NECTIN2: variants seen among roughly 807,000 people sequenced by gnomAD.
The protein encoded by NECTIN2 is nectin-2.
Under a neutral mutation model 56.9 loss-of-function variants are expected in NECTIN2, and 23 were observed. The ratio of observed to expected loss-of-function variants is 0.40; its 90% CI spans 0.29 to 0.57. NECTIN2 has a LOEUF of 0.57. Among genes scored for constraint, NECTIN2 ranks in the 20% least tolerant of loss-of-function variants. The probability of loss-of-function intolerance (pLI) is 0.38; values close to 1 mark genes in which losing one functional copy is unlikely to be tolerated. For synonymous variants in NECTIN2, 302 were observed against 313.8 expected (o/e 0.96, Z 0.40); for missense variants, 587 against 718.3 (o/e 0.82, Z 2.09).
intron 2 of NECTIN2, among the ~76,000 whole-genome samples, chr19:44,870,765 T>C (rs1170659159): frequency 1.3e-5 from 2 of 150,280 alleles, no homozygotes; most frequent in Non-Finnish European, 3.0e-5. Flanking sequence ...AGAGTCTCAC[T>C]GTCACCCAGG....
At chr19:44,878,568 T>C (rs1464577215) in intron 5 of NECTIN2, 1 of 1,613,446 alleles carries the variant, frequency 6.2e-7, no homozygotes, top group Non-Finnish European at 8.5e-7. Flanking sequence ...GAGGATGACA[T>C]GGAGTCCCAG....
At chr19:44,860,607 T>TA (rs947929936) in intron 1 of NECTIN2, among the ~76,000 whole-genome samples, 7 of 151,806 alleles carry the variant, frequency 4.6e-5, no homozygotes, top group East Asian at 3.9e-4. Flanking sequence ...TACTTTTTTA[T>TA]AAAAAAATTA....
intron 6 of NECTIN2, among the ~76,000 whole-genome samples, chr19:44,885,177 G>C (rs566576193): frequency 6.6e-6 from 1 of 150,380 alleles, no homozygotes; most frequent in Non-Finnish European, 1.5e-5. Context: ...TGTATTTTTA[G>C]TAGGGACAGG....
chr19:44,852,095 G>A (rs780773917), intron 1 of NECTIN2, among the ~76,000 whole-genome samples: 3 of 151,516 alleles, frequency 2.0e-5, no homozygotes, highest in Non-Finnish European at 4.4e-5. Context: ...CTGCCCCACT[G>A]AGGGCTCTTT....
chr19:44,873,430 C>T (rs982876320), intron 3 of NECTIN2, among the ~76,000 whole-genome samples: 13 of 152,052 alleles, frequency 8.5e-5, no homozygotes, highest in African/African-American at 2.7e-4. Flanking sequence ...GTCAGGAGTT[C>T]GGGACTAGCC....
intron 8 of NECTIN2, among the ~76,000 whole-genome samples, chr19:44,886,967 G>A (rs1260441451): frequency 6.6e-6 from 1 of 151,814 alleles, no homozygotes; most frequent in African/African-American, 2.4e-5. Flanking sequence ...AGGTGGTTGG[G>A]GCTGTGCCAC....
chr19:44,877,786 G>A (rs1007297961), intron 5 of NECTIN2, among the ~76,000 whole-genome samples: 40 of 152,324 alleles, frequency 2.6e-4, no homozygotes, highest in Middle Eastern at 3.4e-3. Context: ...CGGGCGGCCA[G>A]ATCTATTGCA....
intron 1 of NECTIN2, among the ~76,000 whole-genome samples, chr19:44,854,520 A>G (rs1052727440): frequency 6.6e-6 from 1 of 151,960 alleles, no homozygotes; most frequent in African/African-American, 2.4e-5. Context: ...TAAGTCAAGA[A>G]CTCTGAATCT....
intron 8 of NECTIN2, 88 bp from the exon 9 acceptor site, chr19:44,888,022 G>T: frequency 7.1e-7 from 1 of 1,408,452 alleles, no homozygotes; most frequent in Non-Finnish European, 9.8e-7. Context: ...GGGAGAGAGC[G>T]GTCAGGATTT....
chr19:44,879,042 G>A (rs1020898128), intron 5 of NECTIN2: 9 of 516,388 alleles, frequency 1.7e-5, no homozygotes, highest in Admixed American at 5.6e-5. Context: ...GCTGATCCAC[G>A]CCCCCGGGGA....
intron 2 of NECTIN2, among the ~76,000 whole-genome samples, chr19:44,867,619 T>G (rs1018432323): frequency 3.3e-5 from 5 of 152,126 alleles, no homozygotes; most frequent in African/African-American, 1.2e-4. Context: ...GGAGCTACCT[T>G]TGGGCATAGC....
At chr19:44,877,317 G>A (rs1293914577) in intron 5 of NECTIN2, among the ~76,000 whole-genome samples, 1 of 152,124 alleles carries the variant, frequency 6.6e-6, no homozygotes, top group African/African-American at 2.4e-5. Flanking sequence ...ATGTGGGTAG[G>A]TTCTGGTTAC....
intron 1 of NECTIN2, among the ~76,000 whole-genome samples, chr19:44,863,808 C>T (rs1169161292): frequency 6.6e-6 from 1 of 150,788 alleles, no homozygotes; most frequent in Non-Finnish European, 1.5e-5. Context: ...CTCCACTGCA[C>T]CCCAGCCTGG....
At chr19:44,867,223 T>C (rs1307445960) in intron 2 of NECTIN2, among the ~76,000 whole-genome samples, 1 of 152,058 alleles carries the variant, frequency 6.6e-6, no homozygotes, top group East Asian at 1.9e-4. Flanking sequence ...GGTTGCACCA[T>C]GTTGGCCAGG....
rs1447869273 is a variant in NECTIN2 at position 44,865,521 on chromosome 19, G to A, written c.339G>A (p.Gly113=). 2 of 1,592,532 alleles carry A rather than the reference G, an allele frequency of 1.3e-6. No individual in the cohort carries two copies. Among genetic ancestry groups the A allele is most frequent in the African/African-American group, 1.3e-5 (1 of 74,506 alleles). Residue 113 remains glycine (G), a synonymous_variant, in exon 2 of 9, where the codon GGG becomes GGA. Coordinates refer to ENST00000252483, the MANE Select transcript of NECTIN2 (RefSeq NM_001042724.2). This position sits in a 1 kb window ranked among gnomAD's most constrained non-coding sequence, Gnocchi z 5.2. ...TCGTCTCTGCCAAGCAGAGCACTGG[G>A]CAAGACACAGAGGCAGAGCTCCAGG... ...LSFVSAKQST[G]QDTEAELQDA...
intron 2 of NECTIN2, among the ~76,000 whole-genome samples, chr19:44,868,564 C>T (rs754900657): frequency 2.0e-5 from 3 of 151,412 alleles, no homozygotes; most frequent in African/African-American, 7.3e-5. Context: ...CCTCCGCCTC[C>T]TGCATAGCTG....
intron 1 of NECTIN2, 35 bp downstream of exon 1, chr19:44,846,648 G>A: frequency 6.6e-7 from 1 of 1,516,638 alleles, no homozygotes; most frequent in Non-Finnish European, 8.8e-7. Flanking sequence ...CCCTCGCGCG[G>A]ACCCCCTCCA....
At chr19:44,850,284 G>A (rs927081011) in intron 1 of NECTIN2, among the ~76,000 whole-genome samples, 4 of 152,116 alleles carry the variant, frequency 2.6e-5, no homozygotes, top group Admixed American at 2.0e-4. Flanking sequence ...TAGACACAGA[G>A]AGAGATAGAA....
rs1968837915 is a variant in NECTIN2 at position 44,846,626 on chromosome 19, G to A, written c.88+13G>A. 9.2e-6 allele frequency: 14 copies of A among 1,523,720 alleles called. No homozygotes were observed. Among genetic ancestry groups the A allele is most frequent in the African/African-American group, 1.4e-5 (1 of 71,102 alleles). The allele number at this position is 1,523,720 out of a possible 1,614,324, so 94.4% of individuals were successfully genotyped here. On this transcript the variant is annotated intron_variant, in intron 1 of 8. Coordinates refer to ENST00000252483, the MANE Select transcript of NECTIN2 (RefSeq NM_001042724.2). ...CTCCTGGAAACCGGTGAGACGAGCG[G>A]ACGGCCCCCTGCCCTCGCGCGGACC...
Sources: allele counts gnomAD v4.1 joint callset (sites outside exome capture counted in the v4.1 genomes callset), GRCh38; gene constraint gnomAD v4.1.1; non-coding constraint Gnocchi (gnomAD v3.1); transcripts MANE v1.5; gene names NCBI Gene and HGNC (gene_info 2026-07-23, HGNC 2026-07-21).